PXK: variants seen among roughly 807,000 people sequenced by gnomAD.
The protein encoded by PXK is PX domain-containing protein kinase-like protein.
In PXK, 35 loss-of-function variants were observed where a neutral mutation model predicts 84.7. The ratio of observed to expected loss-of-function variants is 0.41; its 90% CI spans 0.32 to 0.55. The LOEUF is 0.55. Ranked by LOEUF, PXK falls within the 20% of genes least tolerant of loss-of-function variation. The probability of loss-of-function intolerance (pLI) is 0.21; values close to 1 mark genes in which losing one functional copy is unlikely to be tolerated. For synonymous variants in PXK, 253 were observed against 260.8 expected, an observed-to-expected ratio of 0.97 and a Z score of 0.29; for missense variants, 634 against 699.7, an observed-to-expected ratio of 0.91 and a Z score of 1.06.
chr3:58,366,194 T>C (rs1434195918), intron 2 of PXK, among the ~76,000 whole-genome samples: 1 of 152,184 alleles, frequency 6.6e-6, no homozygotes, highest in Non-Finnish European at 1.5e-5. Flanking sequence ...AAATAGTGTA[T>C]GCAAATTACT....
At chr3:58,371,863 A>T (rs923891824) in intron 3 of PXK, among the ~76,000 whole-genome samples, 12 of 152,238 alleles carry the variant, frequency 7.9e-5, no homozygotes, top group African/African-American at 2.9e-4. Context: ...TCAAGTAAAC[A>T]AACAGAAGAA....
At chr3:58,388,044 C>T (rs2098577737) in intron 4 of PXK, among the ~76,000 whole-genome samples, 1 of 152,076 alleles carries the variant, frequency 6.6e-6, no homozygotes, top group Non-Finnish European at 1.5e-5. Context: ...AAGTGGGGAA[C>T]CAGTAAAGGC....
At chr3:58,384,347 C>G (rs950616691) in intron 4 of PXK, among the ~76,000 whole-genome samples, 1 of 152,158 alleles carries the variant, frequency 6.6e-6, no homozygotes, top group Non-Finnish European at 1.5e-5. Flanking sequence ...ATTTCCTAAC[C>G]GAAGTGCTCT....
At chr3:58,363,606 G>A (rs1220821996) in intron 1 of PXK, among the ~76,000 whole-genome samples, 2 of 152,224 alleles carry the variant, frequency 1.3e-5, no homozygotes, top group African/African-American at 4.8e-5. Context: ...ACAGGCATGA[G>A]CCGCTGAGTC....
intron 17 of PXK, chr3:58,423,608 A>C (rs2107859086): frequency 6.7e-7 from 1 of 1,498,790 alleles, no homozygotes; most frequent in East Asian, 2.5e-5. Context: ...ATACAAACTT[A>C]AGTAGGGTAG....
chr3:58,370,908 G>C lies in PXK; in HGVS notation c.201+1430G>C, dbSNP rs887755374. Among the ~76,000 whole-genome samples the C allele has an allele frequency of 6.6e-6, 1 of 152,222 alleles. No homozygotes were observed. The highest frequency in any genetic ancestry group is 1.5e-5 in the Non-Finnish European group (1 of 68,042). On this transcript the variant is annotated intron_variant, in intron 3 of 17. Coordinates refer to ENST00000356151, the MANE Select transcript of PXK (RefSeq NM_017771.5). The surrounding 1 kb of genome is among the most constrained non-coding windows in gnomAD (Gnocchi z 4.2). ...AGCTACTCAGGGGGCTGAGGCAGGA[G>C]AACCGCCTGAACCCAGGAGGGGGAG...
Position 58,425,059 on chromosome 3 carries a change from G to C in PXK, c.*99G>C. 6.7e-7 allele frequency: 1 copy of C among 1,495,614 alleles called. No individual in the cohort carries two copies. The highest frequency in any genetic ancestry group is 9.0e-7 in the Non-Finnish European group (1 of 1,111,484). The allele number at this position is 1,495,614 out of a possible 1,614,324, so 92.6% of individuals were successfully genotyped here. On this transcript the variant is annotated 3_prime_UTR_variant, in exon 18 of 18. Transcript: ENST00000356151. ...TCCTGGGAAAGTAATTGCTGAGCCA[G>C]TACAGCCACAAACAGTACTATTTTG...
intron 1 of PXK, among the ~76,000 whole-genome samples, chr3:58,334,177 T>C (rs2097547196): frequency 6.6e-6 from 1 of 152,242 alleles, no homozygotes; most frequent in Non-Finnish European, 1.5e-5. Context: ...GACCTTTTAT[T>C]CTGTTGTATT....
chr3:58,408,650 G>A (rs2107541862), intron 13 of PXK, among the ~76,000 whole-genome samples: 1 of 152,112 alleles, frequency 6.6e-6, no homozygotes, highest in Admixed American at 6.5e-5. Flanking sequence ...AGCCTCCTGA[G>A]TAGCTGGGAC....
In PXK at chr3:58,409,770, T is replaced by G. The variant is rs199700512; in HGVS notation, c.1395+152T>G. On this transcript the variant is annotated intron_variant, in intron 15 of 17. Coordinates refer to ENST00000356151, the MANE Select transcript of PXK (RefSeq NM_017771.5). This position sits in a 1 kb window ranked among gnomAD's most constrained non-coding sequence, Gnocchi z 4.2. ...CCAGATGACTGGGGTGCAGTTTTTT[T>G]GGGGAAAAAAAAAGAGTCATATGAT... is the stretch of plus-strand genomic sequence containing the variant. 1.1e-4 allele frequency: 26 copies of G among 235,392 alleles called. No homozygotes were observed. In the East Asian group the frequency reaches 1.6e-3, roughly 15 times the overall value. 14.6% of individuals were successfully genotyped at this position (235,392 alleles called of 1,614,324 possible). A position where few individuals can be genotyped will look rare whatever the true frequency, so the allele number is the denominator to read the frequency against.
rs1481950804 is a variant in PXK at position 58,407,984 on chromosome 3, T to TA, written c.1231-939dup. Reference sequence around the variant, plus strand: ...AGCTTTTCCCCTGTGTCTTTTCTTTTAGGAGTTTTATAGTTTTAGGTCTTA... The same window carrying TA: ...AGCTTTTCCCCTGTGTCTTTTCTTTTAAGGAGTTTTATAGTTTTAGGTCTTA... On this transcript the variant is annotated intron_variant, in intron 13 of 17. Coordinates refer to ENST00000356151, the MANE Select transcript of PXK (RefSeq NM_017771.5). The surrounding 1 kb of genome is among the most constrained non-coding windows in gnomAD (Gnocchi z 4.3). Among the ~76,000 whole-genome samples the TA allele has an allele frequency of 6.6e-6, 1 of 152,260 alleles. No individual in the cohort carries two copies. The highest frequency in any genetic ancestry group is 1.5e-5 in the Non-Finnish European group (1 of 68,044).
In PXK at chr3:58,391,211, G is replaced by A. The variant is rs55962533; in HGVS notation, c.531G>A (p.Val177=). 18,777 of 1,612,804 alleles carry A rather than the reference G, an allele frequency of 0.012. 149 individuals carry two copies. The highest frequency in any genetic ancestry group is 0.014 in the Non-Finnish European group (16,621 of 1,178,936). Residue 177 remains valine, a synonymous_variant, in exon 6 of 18, where the codon GTG becomes GTA. Coordinates refer to ENST00000356151, the MANE Select transcript of PXK (RefSeq NM_017771.5). ...KIKNQPKERL[V]LSWADLGPDK... ...AAAATCAGCCAAAGGAACGGCTAGT[G>A]TTAAGCTGGGTAAGCTAGCTTTTTG...
At chr3:58,348,830 T>C (rs759358278) in intron 1 of PXK, among the ~76,000 whole-genome samples, 4 of 151,974 alleles carry the variant, frequency 2.6e-5, no homozygotes, top group Non-Finnish European at 2.9e-5. Context: ...AAGAATCCCT[T>C]GAGCCCAGGC....
intron 13 of PXK, among the ~76,000 whole-genome samples, chr3:58,406,598 A>G (rs2059445531): frequency 6.6e-6 from 1 of 152,176 alleles, no homozygotes; most frequent in Non-Finnish European, 1.5e-5. Context: ...AAAAAATACA[A>G]TATAAAATTT....
chr3:58,349,664 A>G (rs1293384047), intron 1 of PXK, among the ~76,000 whole-genome samples: 3 of 152,164 alleles, frequency 2.0e-5, no homozygotes, highest in Non-Finnish European at 4.4e-5. Flanking sequence ...CCACATTTTC[A>G]TAAATATCTG....
intron 1 of PXK, among the ~76,000 whole-genome samples, chr3:58,359,520 ACT>A (rs2098143428): frequency 6.8e-6 from 1 of 147,132 alleles, no homozygotes; most frequent in Non-Finnish European, 1.5e-5. Flanking sequence ...ACAGAGTGAG[ACT>A]CTGTCTCAAA....
In PXK at chr3:58,410,133, C is replaced by A; in HGVS notation, c.1439C>A (p.Ala480Glu). The A allele has an allele frequency of 6.2e-7, 1 of 1,600,298 alleles. No individual in the cohort carries two copies. Among genetic ancestry groups the A allele is most frequent in the Non-Finnish European group, 8.6e-7 (1 of 1,167,428 alleles). Residue 480 changes from alanine to glutamate, a missense_variant, in exon 16 of 18, where the codon GCG becomes GAG. Coordinates refer to ENST00000356151, the MANE Select transcript of PXK (RefSeq NM_017771.5). The part of the protein sequence containing the change: ...SALENSEEHS[A>E]KYSNSNNSAG... ...CTTGAAAATAGTGAAGAGCATTCAG[C>A]GAAGTACAGCAACTCCAATAATTCA...
At chr3:58,382,358 T>C (rs1399281646) in intron 3 of PXK, among the ~76,000 whole-genome samples, 156 bp from the exon 4 acceptor site, 2 of 152,222 alleles carry the variant, frequency 1.3e-5, no homozygotes, top group Admixed American at 1.3e-4. Flanking sequence ...TTATCAATTC[T>C]AAATGCAGTT....
chr3:58,397,746 C>T lies in PXK; in HGVS notation c.1102+24C>T. On this transcript the variant is annotated intron_variant, in intron 11 of 17. Transcript: ENST00000356151. The surrounding 1 kb of genome is among the most constrained non-coding windows in gnomAD (Gnocchi z 4.7). The stretch of plus-strand genomic sequence containing the variant: ...GGGTCAGTATGGGGTTGGGAAGGGT[C>T]TTCTGGGCCCTAGTAGTGTGCAGAG... The T allele has an allele frequency of 1.3e-6, 2 of 1,563,452 alleles. No homozygotes were observed. Among genetic ancestry groups the T allele is most frequent in the Non-Finnish European group, 1.8e-6 (2 of 1,134,514 alleles).
Sources: allele counts gnomAD v4.1 joint callset (sites outside exome capture counted in the v4.1 genomes callset), GRCh38; gene constraint gnomAD v4.1.1; non-coding constraint Gnocchi (gnomAD v3.1); transcripts MANE v1.5; gene names NCBI Gene and HGNC (gene_info 2026-07-23, HGNC 2026-07-21).